The following SBF2 variants were observed in gnomAD, a reference collection of about 807,000 sequenced individuals.
SBF2 encodes the protein SET binding factor 2.
Under a neutral mutation model 225.2 loss-of-function variants are expected in SBF2, and 112 were observed. The ratio of observed to expected loss-of-function variants is 0.50; its 90% CI spans 0.43 to 0.58. The LOEUF is 0.58. Ranked by LOEUF, SBF2 falls within the 20% of genes least tolerant of loss-of-function variation. SBF2 has a pLI of 0.00. For missense variants in SBF2, 1,996 were observed against 2,206.2 expected, an observed-to-expected ratio of 0.90 and a Z score of 1.91; for synonymous variants, 763 against 773.3, an observed-to-expected ratio of 0.99 and a Z score of 0.22.
chr11:10,041,947 C>T lies in SBF2; in HGVS notation c.279+897G>A, dbSNP rs1343805014. ...ACCAGCACCAACAAAAAAAACCCTA[C>T]ACTTTTTGGGGCAAAATGGGCTCTG... On this transcript the variant is annotated intron_variant, in intron 3 of 39. Coordinates refer to ENST00000256190, the MANE Select transcript of SBF2 (RefSeq NM_030962.4). Among the ~76,000 whole-genome samples the T allele has an allele frequency of 2.6e-5, 4 of 151,028 alleles. No individual in the cohort carries two copies. The East Asian group carries it at 7.8e-4, about 29-fold the overall frequency.
At position 10,062,292 on chromosome 11, in the gene SBF2, T is replaced by C. The variant is rs77147547; in HGVS notation, c.142-19311A>G. On this transcript the variant is annotated intron_variant, in intron 2 of 39. Coordinates refer to ENST00000256190, the MANE Select transcript of SBF2 (RefSeq NM_030962.4). ...GATCTAGGAATAGGCAAAGATTTCA[T>C]GACGAAGTCACCAAAACCAATTGTA... Among the ~76,000 whole-genome samples the C allele has an allele frequency of 2.0e-5, 3 of 152,328 alleles. No individual in the cohort carries two copies. In the East Asian group the frequency reaches 5.8e-4, roughly 29 times the overall value.
chr11:10,245,526 G>T (rs1959699709), intron 1 of SBF2, among the ~76,000 whole-genome samples: 1 of 152,156 alleles, frequency 6.6e-6, no homozygotes, highest in African/African-American at 2.4e-5. Flanking sequence ...GGAGAAAAGT[G>T]ACCCTTTGTA....
intron 16 of SBF2, chr11:9,959,336 T>A: frequency 1.3e-6 from 1 of 777,262 alleles, no homozygotes. Flanking sequence ...AGATGGACCC[T>A]GGGGCTCAGG....
intron 16 of SBF2, among the ~76,000 whole-genome samples, chr11:9,918,508 C>G (rs1448156438): frequency 6.6e-6 from 1 of 152,076 alleles, no homozygotes; most frequent in African/African-American, 2.4e-5. Flanking sequence ...TGCACGCCAC[C>G]ATGCCTGGCT....
chr11:10,175,965 G>T (rs1363958055), intron 2 of SBF2, among the ~76,000 whole-genome samples: 1 of 144,884 alleles, frequency 6.9e-6, no homozygotes, highest in Non-Finnish European at 1.5e-5. Context: ...TGAAACCAAC[G>T]AGAACAAAGA....
chr11:9,870,566 C>A (rs1352783467), intron 17 of SBF2, among the ~76,000 whole-genome samples: 5 of 152,214 alleles, frequency 3.3e-5, no homozygotes, highest in Non-Finnish European at 7.3e-5. Context: ...CTACAACCAT[C>A]TGATCGTTGA....
At chr11:9,996,591 A>G (rs1054939490) in intron 9 of SBF2, among the ~76,000 whole-genome samples, 2 of 152,018 alleles carry the variant, frequency 1.3e-5, no homozygotes, top group South Asian at 4.2e-4. Flanking sequence ...GGGTTTCACC[A>G]TGTTGGACAG....
At chr11:9,833,971 T>C (rs781222806) in intron 26 of SBF2, among the ~76,000 whole-genome samples, 1 of 150,032 alleles carries the variant, frequency 6.7e-6, no homozygotes, top group African/African-American at 2.5e-5. Flanking sequence ...GGTTTCTCCA[T>C]GTTGGTCAGG....
chr11:9,810,424 T>C (rs756640027), intron 30 of SBF2: 6 of 152,252 alleles, frequency 3.9e-5, no homozygotes, highest in Admixed American at 2.0e-4. Context: ...GAATAGTATA[T>C]AGATTTTAAA....
chr11:9,976,074 T>TC (rs10682573), intron 13 of SBF2, among the ~76,000 whole-genome samples: 52 of 115,340 alleles, frequency 4.5e-4, no homozygotes, highest in Admixed American at 6.7e-4. Flanking sequence ...TTCTTCTTCT[T>TC]TTTTTTTTTT....
At chr11:9,923,966 G>C (rs1000276151) in intron 16 of SBF2, among the ~76,000 whole-genome samples, 2 of 152,158 alleles carry the variant, frequency 1.3e-5, no homozygotes, top group South Asian at 4.1e-4. Flanking sequence ...ATCTCTGTAA[G>C]GGCTTTGATG....
intron 16 of SBF2, among the ~76,000 whole-genome samples, chr11:9,939,355 C>G (rs1865113121): frequency 6.6e-6 from 1 of 152,154 alleles, no homozygotes; most frequent in Non-Finnish European, 1.5e-5. Context: ...CTTAGCCTCC[C>G]AAAGTGCTGG....
chr11:9,858,261 TG>T lies in SBF2; in HGVS notation c.2064del (p.Lys689ArgfsTer9), dbSNP rs1160789384. ...AGATGCGGGGCATGATTGTCTTCCT[TG>T]GCTGAGAGATAAAGGGAGCGAACCT... ...QEQVRSLYLS[A>X]KEDNHAPHLK... On this transcript the variant is annotated frameshift_variant, in exon 18 of 40. Coordinates refer to ENST00000256190, the MANE Select transcript of SBF2 (RefSeq NM_030962.4). LOFTEE classifies it high-confidence loss of function. 6.2e-7 allele frequency: 1 copy of T among 1,614,212 alleles called. No individual in the cohort carries two copies.
intron 13 of SBF2, among the ~76,000 whole-genome samples, chr11:9,987,420 C>A (rs1947248746): frequency 6.6e-6 from 1 of 151,984 alleles, no homozygotes; most frequent in South Asian, 2.1e-4. Flanking sequence ...CTAGCCAGAA[C>A]AATCAGACAA....
chr11:10,224,541 A>C (rs1958464840), intron 1 of SBF2, among the ~76,000 whole-genome samples: 1 of 152,106 alleles, frequency 6.6e-6, no homozygotes. Flanking sequence ...TTCTAGCCTC[A>C]ATGTCACCCA....
chr11:10,193,408 G>A (rs938576734), intron 2 of SBF2, among the ~76,000 whole-genome samples: 5 of 141,488 alleles, frequency 3.5e-5, no homozygotes, highest in Non-Finnish European at 6.0e-5. Context: ...AGGCTAGAGC[G>A]CAGTGGCACG....
intron 2 of SBF2, among the ~76,000 whole-genome samples, chr11:10,063,077 T>C (rs962257908): frequency 6.6e-6 from 1 of 152,012 alleles, no homozygotes; most frequent in East Asian, 1.9e-4. Flanking sequence ...CTTAGCAAAC[T>C]AATGCAGGAA....
chr11:10,152,479 G>A (rs1591077230), intron 2 of SBF2, among the ~76,000 whole-genome samples: 1 of 151,994 alleles, frequency 6.6e-6, no homozygotes, highest in Admixed American at 6.6e-5. Context: ...AACCTGGGGG[G>A]CGGAGGTTGC....
intron 2 of SBF2, among the ~76,000 whole-genome samples, chr11:10,089,075 T>A (rs1951683408): frequency 6.6e-6 from 1 of 152,202 alleles, no homozygotes; most frequent in Admixed American, 6.5e-5. Flanking sequence ...ATAAACTTAG[T>A]GGGTACAAGT....
Sources: allele counts gnomAD v4.1 joint callset (sites outside exome capture counted in the v4.1 genomes callset), GRCh38; gene constraint gnomAD v4.1.1; transcripts MANE v1.5; gene names NCBI Gene and HGNC (gene_info 2026-07-23, HGNC 2026-07-21).